The following FAM216A variants were observed in gnomAD, a reference collection of about 807,000 sequenced individuals.
FAM216A encodes family with sequence similarity 216 member A.
Under a neutral mutation model 37.6 loss-of-function variants are expected in FAM216A, and 26 were observed. The ratio of observed to expected loss-of-function variants is 0.69; its 90% CI spans 0.51 to 0.96. The LOEUF is 0.96. Among genes scored for constraint, FAM216A ranks in the 40% least tolerant of loss-of-function variants. FAM216A has a pLI of 0.00. For missense variants in FAM216A, 326 were observed against 339.3 expected, an observed-to-expected ratio of 0.96 and a Z score of 0.31; for synonymous variants, 110 against 121.7, an observed-to-expected ratio of 0.90 and a Z score of 0.64.
intron 1 of FAM216A, among the ~76,000 whole-genome samples, chr12:110,470,933 T>A (rs959830489): frequency 1.3e-5 from 2 of 152,100 alleles, no homozygotes; most frequent in Non-Finnish European, 2.9e-5. Context: ...CAAAATAAAA[T>A]TTTCAAACTA....
intron 2 of FAM216A, among the ~76,000 whole-genome samples, chr12:110,479,978 CTATT>C (rs1453915863): frequency 6.6e-6 from 1 of 151,154 alleles, no homozygotes; most frequent in African/African-American, 2.4e-5. Flanking sequence ...GGTTGGTTAA[CTATT>C]TATTTGTGGT....
chr12:110,474,037 T>A (rs1171856172), intron 2 of FAM216A, among the ~76,000 whole-genome samples: 1 of 152,152 alleles, frequency 6.6e-6, no homozygotes, highest in Non-Finnish European at 1.5e-5. Context: ...TTCACTTTGC[T>A]TTTCCTTGGT....
At chr12:110,470,011 A>C (rs528289036) in intron 1 of FAM216A, among the ~76,000 whole-genome samples, 1 of 151,426 alleles carries the variant, frequency 6.6e-6, no homozygotes, top group African/African-American at 2.4e-5. Context: ...TCCTCTCCCT[A>C]CTTTATTCCC....
chr12:110,473,857 T>C (rs530958077), intron 2 of FAM216A, among the ~76,000 whole-genome samples: 2 of 152,208 alleles, frequency 1.3e-5, no homozygotes, highest in South Asian at 4.1e-4. Context: ...GTTAAGAGAG[T>C]AGGTAAAACA....
chr12:110,485,443 G>A (rs534292044), intron 3 of FAM216A, among the ~76,000 whole-genome samples: 10 of 152,014 alleles, frequency 6.6e-5, no homozygotes, highest in Non-Finnish European at 1.3e-4. Context: ...TCTTTACTGA[G>A]GGGAAGCTTA....
intron 6 of FAM216A, among the ~76,000 whole-genome samples, chr12:110,488,945 G>A (rs910354834): frequency 1.3e-5 from 2 of 152,130 alleles, no homozygotes; most frequent in Non-Finnish European, 2.9e-5. Flanking sequence ...AGGGACTTCT[G>A]TATACCATTT....
chr12:110,479,005 G>A (rs2062730993), intron 2 of FAM216A, among the ~76,000 whole-genome samples: 1 of 151,924 alleles, frequency 6.6e-6, no homozygotes, highest in African/African-American at 2.4e-5. Flanking sequence ...TGGCTAACAC[G>A]GTGAAACCCC....
chr12:110,479,586 T>G (rs2062734486), intron 2 of FAM216A, among the ~76,000 whole-genome samples: 1 of 150,766 alleles, frequency 6.6e-6, no homozygotes, highest in South Asian at 2.1e-4. Context: ...CGCCTGTAAT[T>G]CCAGCACTTT....
chr12:110,486,789 T>C, intron 5 of FAM216A, 72 bp downstream of exon 5: 3 of 1,359,568 alleles, frequency 2.2e-6, no homozygotes, highest in South Asian at 2.7e-5. Flanking sequence ...CAGGGTTTTG[T>C]TCTCTCACCC....
chr12:110,475,526 C>T (rs1481261980), intron 2 of FAM216A, among the ~76,000 whole-genome samples: 1 of 151,900 alleles, frequency 6.6e-6, no homozygotes, highest in Non-Finnish European at 1.5e-5. Flanking sequence ...GCATGAGCCA[C>T]AGCGCCTGGC....
intron 2 of FAM216A, among the ~76,000 whole-genome samples, chr12:110,475,538 C>A (rs2062710478): frequency 6.6e-6 from 1 of 151,290 alleles, no homozygotes; most frequent in Admixed American, 6.6e-5. Context: ...GCGCCTGGCC[C>A]TCTTTATTCT....
chr12:110,486,237 C>G, intron 3 of FAM216A, 88 bp from the exon 4 acceptor site: 2 of 1,369,016 alleles, frequency 1.5e-6, no homozygotes, highest in Non-Finnish European at 2.0e-6. Flanking sequence ...TGGCACAACT[C>G]TCTTGAACAT....
chr12:110,487,375 TC>T (rs2062783309), intron 5 of FAM216A: 1 of 154,154 alleles, frequency 6.5e-6, no homozygotes, highest in South Asian at 2.0e-4. Flanking sequence ...CCTCAGATGA[TC>T]TGCCCGCCTT....
intron 2 of FAM216A, among the ~76,000 whole-genome samples, chr12:110,484,102 T>C (rs887342147): frequency 7.0e-6 from 1 of 143,298 alleles, no homozygotes; most frequent in African/African-American, 2.6e-5. Flanking sequence ...GCGTCAGAGA[T>C]CCCATCTCTT....
intron 2 of FAM216A, among the ~76,000 whole-genome samples, chr12:110,480,472 G>A (rs1048474705): frequency 1.3e-5 from 2 of 151,840 alleles, no homozygotes; most frequent in African/African-American, 4.8e-5. Context: ...CAAAGTGCTG[G>A]GATTAAAGGT....
At chr12:110,488,204 G>A (rs1235906254) in intron 6 of FAM216A, among the ~76,000 whole-genome samples, 3 of 152,118 alleles carry the variant, frequency 2.0e-5, no homozygotes, top group Admixed American at 2.0e-4. Context: ...GAGGTCAAGA[G>A]TTCGAGACCC....
At chr12:110,484,673 A>ATTTGG (rs2062766709) in intron 2 of FAM216A, among the ~76,000 whole-genome samples, 1 of 151,908 alleles carries the variant, frequency 6.6e-6, no homozygotes, top group Non-Finnish European at 1.5e-5. Flanking sequence ...ATGGCATACC[A>ATTTGG]TACAGTCTCT....
At chr12:110,482,486 C>CA (rs2135551126) in intron 2 of FAM216A, among the ~76,000 whole-genome samples, 1 of 152,046 alleles carries the variant, frequency 6.6e-6, no homozygotes, top group South Asian at 2.1e-4. Context: ...ACAGTGTAAA[C>CA]ATATATACAA....
Position 110,490,172 on chromosome 12 carries a change from G to T in FAM216A, c.*35G>T. 1 of 1,008,940 alleles carries T rather than the reference G, an allele frequency of 9.9e-7. No homozygotes were observed. Among genetic ancestry groups the T allele is most frequent in the South Asian group, 1.3e-5 (1 of 78,802 alleles). 62.5% of individuals were successfully genotyped at this position (1,008,940 alleles called of 1,614,324 possible). A position where few individuals can be genotyped will look rare whatever the true frequency, so the allele number is the denominator to read the frequency against. ...CTCGTGTATTGAATTCGTGCCAAAG[G>T]TGAGGGTAAGGGGTTGTGAGTTGTG... On this transcript the variant is annotated 3_prime_UTR_variant, in exon 7 of 7. Coordinates refer to ENST00000377673, the MANE Select transcript of FAM216A (RefSeq NM_013300.3).
Sources: allele counts gnomAD v4.1 joint callset (sites outside exome capture counted in the v4.1 genomes callset), GRCh38; gene constraint gnomAD v4.1.1; transcripts MANE v1.5; gene names NCBI Gene and HGNC (gene_info 2026-07-23, HGNC 2026-07-21).